KATNBL1: variants seen among roughly 807,000 people sequenced by gnomAD.
The protein encoded by KATNBL1 is katanin regulatory subunit B1 like 1.
A neutral mutation model predicts 44.7 loss-of-function variants in KATNBL1; 28 were observed. That is an observed-to-expected ratio of 0.63 (90% CI 0.46 to 0.86). The LOEUF is 0.86. Ranked by LOEUF, KATNBL1 falls within the 40% of genes least tolerant of loss-of-function variation. KATNBL1 has a pLI of 0.00. For missense variants in KATNBL1, 272 were observed against 350.7 expected, an observed-to-expected ratio of 0.78 and a Z score of 1.79; for synonymous variants, 78 against 114.9, an observed-to-expected ratio of 0.68 and a Z score of 2.06.
chr15:34,183,071 A>G (rs1338532821), intron 1 of KATNBL1, among the ~76,000 whole-genome samples: 1 of 152,202 alleles, frequency 6.6e-6, no homozygotes, highest in Admixed American at 6.5e-5. Flanking sequence ...CCCTTGGCCC[A>G]CATCCATTCT....
At chr15:34,182,502 T>C (rs1019314035) in intron 1 of KATNBL1, among the ~76,000 whole-genome samples, 1 of 152,116 alleles carries the variant, frequency 6.6e-6, no homozygotes, top group Non-Finnish European at 1.5e-5. Flanking sequence ...TAGGACACTT[T>C]TGAGAGTGAA....
chr15:34,162,431 G>GT (rs2140928527), intron 2 of KATNBL1, among the ~76,000 whole-genome samples: 1 of 152,306 alleles, frequency 6.6e-6, no homozygotes, highest in South Asian at 2.1e-4. Flanking sequence ...ACATGGAACT[G>GT]TGAGTCCATT....
At chr15:34,163,053 T>G (rs1888855413) in intron 2 of KATNBL1, among the ~76,000 whole-genome samples, 1 of 151,400 alleles carries the variant, frequency 6.6e-6, no homozygotes. Flanking sequence ...AACTTTTTTT[T>G]TTTTTTTGAT....
intron 1 of KATNBL1, among the ~76,000 whole-genome samples, chr15:34,185,834 C>G (rs1889700322): frequency 6.6e-6 from 1 of 152,112 alleles, no homozygotes; most frequent in South Asian, 2.1e-4. Context: ...AGTTGGTCAA[C>G]AGGAAGCAGG....
chr15:34,154,641 T>C lies in KATNBL1; in HGVS notation c.158+3A>G. The C allele has an allele frequency of 1.9e-6, 3 of 1,565,586 alleles. No homozygotes were observed. The highest frequency in any genetic ancestry group is 2.6e-6 in the Non-Finnish European group (3 of 1,135,922). On this transcript the variant is annotated splice_donor_region_variant and intron_variant, in intron 3 of 9. Transcript: ENST00000256544. ...TCCCCACAAACTTTAAAGAAACTCTTACCTATTTATGTAAGCAGCCAACTG... is the reference window on the plus strand; with the variant it reads ...TCCCCACAAACTTTAAAGAAACTCTCACCTATTTATGTAAGCAGCCAACTG...
At chr15:34,193,550 T>A (rs1015777700) in intron 1 of KATNBL1, among the ~76,000 whole-genome samples, 3 of 151,656 alleles carry the variant, frequency 2.0e-5, no homozygotes, top group Non-Finnish European at 2.9e-5. Flanking sequence ...ATAAATTAAT[T>A]AATTAAAATA....
chr15:34,163,413 C>A, intron 2 of KATNBL1, 147 bp downstream of exon 2: 1 of 882,210 alleles, frequency 1.1e-6, no homozygotes, highest in Non-Finnish European at 1.6e-6. Context: ...AAAAGAAATA[C>A]ATTGGTTATA....
chr15:34,158,819 A>G (rs1888713230), intron 2 of KATNBL1, among the ~76,000 whole-genome samples: 1 of 152,128 alleles, frequency 6.6e-6, no homozygotes, highest in African/African-American at 2.4e-5. Flanking sequence ...AGTACCCATT[A>G]TGTCTTTTTC....
chr15:34,176,421 T>C (rs912255723), intron 1 of KATNBL1, among the ~76,000 whole-genome samples: 1 of 152,026 alleles, frequency 6.6e-6, no homozygotes, highest in Admixed American at 6.6e-5. Context: ...CATGTTTGAA[T>C]ACTATGTTAA....
At chr15:34,188,791 G>A (rs892395078) in intron 1 of KATNBL1, among the ~76,000 whole-genome samples, 1 of 152,136 alleles carries the variant, frequency 6.6e-6, no homozygotes, top group African/African-American at 2.4e-5. Context: ...GTTATCAGAG[G>A]CCTGCATTCA....
intron 1 of KATNBL1, among the ~76,000 whole-genome samples, chr15:34,201,021 T>G (rs1484329628): frequency 6.6e-6 from 1 of 152,108 alleles, no homozygotes; most frequent in Non-Finnish European, 1.5e-5. Flanking sequence ...TTCACCATGT[T>G]GGCCAGAATG....
At chr15:34,170,249 C>T (rs916871642) in intron 1 of KATNBL1, among the ~76,000 whole-genome samples, 55 of 152,150 alleles carry the variant, frequency 3.6e-4, no homozygotes, top group Non-Finnish European at 5.4e-4. Context: ...AGTCTCAGGA[C>T]ACAAAATCAA....
At chr15:34,200,260 CTTTTTT>C (rs964530272) in intron 1 of KATNBL1, among the ~76,000 whole-genome samples, 3 of 148,174 alleles carry the variant, frequency 2.0e-5, no homozygotes, top group Non-Finnish European at 4.5e-5. Flanking sequence ...TCTCTCTCTT[CTTTTTT>C]TTTTGAGATG....
intron 1 of KATNBL1, among the ~76,000 whole-genome samples, chr15:34,200,420 T>C (rs563512452): frequency 2.7e-5 from 2 of 73,816 alleles, no homozygotes; most frequent in African/African-American, 7.1e-5. Flanking sequence ...GCCCAGCTAA[T>C]TGTTTTTTTT....
In KATNBL1 at chr15:34,148,617, A is replaced by G. The variant is rs1263657906; in HGVS notation, c.557+15T>C. The G allele has an allele frequency of 7.2e-7, 1 of 1,379,566 alleles. No individual in the cohort carries two copies. Among genetic ancestry groups the G allele is most frequent in the Non-Finnish European group, 1.0e-6 (1 of 969,668 alleles). 85.5% of individuals were successfully genotyped at this position (1,379,566 alleles called of 1,614,324 possible). On this transcript the variant is annotated intron_variant, in intron 5 of 9. Transcript: ENST00000256544. ...AAAAAGTGATTGAACAAAGAGGATA[A>G]AAGGTCACACTTACCTCAACAAATA...
intron 1 of KATNBL1, among the ~76,000 whole-genome samples, chr15:34,179,429 T>G (rs767647383): frequency 6.6e-6 from 1 of 152,186 alleles, no homozygotes; most frequent in African/African-American, 2.4e-5. Flanking sequence ...CTCTCAACAC[T>G]GTCACATAGG....
At chr15:34,206,817 C>G (rs540248487) in intron 1 of KATNBL1, among the ~76,000 whole-genome samples, 50 of 151,568 alleles carry the variant, frequency 3.3e-4, no homozygotes, top group Admixed American at 5.9e-4. Context: ...AAAGAAAAGT[C>G]AAATTACACC....
chr15:34,178,528 A>AC (rs1889406366), intron 1 of KATNBL1, among the ~76,000 whole-genome samples: 1 of 152,048 alleles, frequency 6.6e-6, no homozygotes, highest in East Asian at 1.9e-4. Context: ...GAGGCCAAGG[A>AC]GGGCAGATCA....
At chr15:34,201,090 C>T (rs1304877403) in intron 1 of KATNBL1, among the ~76,000 whole-genome samples, 3 of 152,184 alleles carry the variant, frequency 2.0e-5, no homozygotes, top group Non-Finnish European at 4.4e-5. Context: ...GCTGGGATTA[C>T]AGGCTTGAGC....
Sources: gnomAD v4.1 joint callset for allele counts (sites outside exome capture counted in the v4.1 genomes callset) on GRCh38, gnomAD v4.1.1 for gene constraint, MANE v1.5 for transcripts, NCBI Gene and HGNC (gene_info 2026-07-23, HGNC 2026-07-21) for gene names.